The following CHMP2B variants were observed in gnomAD, a reference collection of about 807,000 sequenced individuals.
The protein encoded by CHMP2B is charged multivesicular body protein 2B.
A neutral mutation model predicts 29.8 loss-of-function variants in CHMP2B; 22 were observed. That is an observed-to-expected ratio of 0.74 (90% CI 0.53 to 1.05). The LOEUF (loss-of-function observed/expected upper bound fraction) is 1.05. CHMP2B is among the 50% of genes least tolerant of loss of function. CHMP2B has a pLI of 0.00. For missense variants in CHMP2B, 261 were observed against 252.2 expected (o/e 1.03, Z -0.24); for synonymous variants, 78 against 75.8 (o/e 1.03, Z -0.15).
chr3:87,241,169 T>C (rs1706112084), intron 2 of CHMP2B, among the ~76,000 whole-genome samples: 1 of 152,220 alleles, frequency 6.6e-6, no homozygotes, highest in African/African-American at 2.4e-5. Flanking sequence ...TTGCTTGATA[T>C]TTTAAAGATC....
chr3:87,244,507 C>A (rs1410313870), intron 2 of CHMP2B, among the ~76,000 whole-genome samples: 1 of 151,872 alleles, frequency 6.6e-6, no homozygotes, highest in African/African-American at 2.4e-5. Flanking sequence ...TTAACTGCAA[C>A]TCACAAATTT....
At chr3:87,230,791 T>G (rs1705895214) in intron 1 of CHMP2B, among the ~76,000 whole-genome samples, 1 of 152,176 alleles carries the variant, frequency 6.6e-6, no homozygotes, top group South Asian at 2.1e-4. Context: ...TGGCATGCAA[T>G]GAGATGTTGC....
chr3:87,241,720 T>A (rs1706122581), intron 2 of CHMP2B, among the ~76,000 whole-genome samples: 1 of 152,192 alleles, frequency 6.6e-6, no homozygotes, highest in South Asian at 2.1e-4. Context: ...CAGTGGACAT[T>A]TGAGTTGTTT....
At chr3:87,236,808 CTGT>C (rs1013565983) in intron 1 of CHMP2B, among the ~76,000 whole-genome samples, 1 of 152,012 alleles carries the variant, frequency 6.6e-6, no homozygotes, top group African/African-American at 2.4e-5. Flanking sequence ...CGAGATCATG[CTGT>C]TGTACTCCAG....
intron 1 of CHMP2B, among the ~76,000 whole-genome samples, chr3:87,229,944 T>G (rs1408438951): frequency 6.6e-6 from 1 of 152,202 alleles, no homozygotes; most frequent in African/African-American, 2.4e-5. Context: ...GTCTCTGCGG[T>G]GTATACTTTG....
rs1466162049 is a variant in CHMP2B, at chr3:87,251,503, A to C, written c.424+1526A>C. On this transcript the variant is annotated intron_variant, in intron 4 of 5. Coordinates refer to ENST00000263780, the MANE Select transcript of CHMP2B (RefSeq NM_014043.4). The stretch of plus-strand genomic sequence containing the variant: ...CTGCAGTTGTTCTCATTTGTATTTT[A>C]ATACATTACAAGTTAGTCTGTAATA... Among the ~76,000 whole-genome samples, 3 of 151,996 alleles carry C rather than the reference A, an allele frequency of 2.0e-5. No individual in the cohort carries two copies. In the East Asian group the frequency reaches 5.8e-4, roughly 29 times the overall value.
intron 3 of CHMP2B, among the ~76,000 whole-genome samples, chr3:87,247,941 A>T (rs999098898): frequency 3.9e-5 from 6 of 152,168 alleles, no homozygotes; most frequent in Admixed American, 6.5e-5. Context: ...AAAGAGTAGA[A>T]TGCATCCATT....
chr3:87,230,792 G>A lies in CHMP2B; in HGVS notation c.34+3236G>A, dbSNP rs558928819. Among the ~76,000 whole-genome samples, 10 of 152,264 alleles carry A rather than the reference G, an allele frequency of 6.6e-5. No homozygotes were observed. The South Asian group carries it at 2.1e-3, about 32-fold the overall frequency. On this transcript the variant is annotated intron_variant, in intron 1 of 5. Coordinates refer to ENST00000263780, the MANE Select transcript of CHMP2B (RefSeq NM_014043.4). ...CAGTTTGCCTTGCATGGCATGCAAT[G>A]AGATGTTGCTTAGATCATCAGTAAC...
At chr3:87,234,331 C>G (rs1420316363) in intron 1 of CHMP2B, among the ~76,000 whole-genome samples, 1 of 151,832 alleles carries the variant, frequency 6.6e-6, no homozygotes, top group African/African-American at 2.4e-5. Flanking sequence ...AGCAGATAAA[C>G]CATATTGACT....
At chr3:87,234,503 C>T (rs1316420726) in intron 1 of CHMP2B, among the ~76,000 whole-genome samples, 1 of 152,002 alleles carries the variant, frequency 6.6e-6, no homozygotes, top group Admixed American at 6.6e-5. Context: ...CCTGGGTGGC[C>T]TTTTCTTAAG....
chr3:87,234,864 G>A (rs1184172985), intron 1 of CHMP2B, among the ~76,000 whole-genome samples: 1 of 152,174 alleles, frequency 6.6e-6, no homozygotes, highest in African/African-American at 2.4e-5. Context: ...GAAGTAGAAA[G>A]TTATAAGGAA....
chr3:87,232,946 C>T (rs1027835232), intron 1 of CHMP2B, among the ~76,000 whole-genome samples: 3 of 152,132 alleles, frequency 2.0e-5, no homozygotes, highest in Non-Finnish European at 2.9e-5. Context: ...ACATGAATTC[C>T]TCAGGGCTTG....
At chr3:87,239,645 G>A (rs1040080980) in intron 1 of CHMP2B, among the ~76,000 whole-genome samples, 30 of 152,132 alleles carry the variant, frequency 2.0e-4, no homozygotes, top group African/African-American at 6.8e-4. Context: ...TGCTATCTAT[G>A]TGGCTTTGGG....
At chr3:87,247,757 G>A (rs1706241037) in intron 3 of CHMP2B, among the ~76,000 whole-genome samples, 1 of 152,164 alleles carries the variant, frequency 6.6e-6, no homozygotes, top group African/African-American at 2.4e-5. Flanking sequence ...CGAGTGCTGT[G>A]CAAACATACA....
rs1412880558 is a variant in CHMP2B, at chr3:87,245,773, C to G, written c.186C>G (p.Ala62=). The G allele has an allele frequency of 5.0e-6, 8 of 1,613,578 alleles. No individual in the cohort carries two copies. Among genetic ancestry groups the G allele is most frequent in the African/African-American group, 1.3e-5 (1 of 74,850 alleles). The change falls in exon 3 of 6, where the codon GCC becomes GCG. Residue 62 remains alanine, a synonymous_variant. Coordinates refer to ENST00000263780, the MANE Select transcript of CHMP2B (RefSeq NM_014043.4). The part of the protein sequence containing the change: ...IGNKEACKVL[A]KQLVHLRKQK... ...ATAAGGAAGCTTGCAAAGTTTTAGC[C>G]AAACAACTTGTGCATCTACGGAAAC...
rs191352940 is a variant in CHMP2B, at chr3:87,237,269, C to T, written c.35-3430C>T. Among the ~76,000 whole-genome samples, 447 of 152,220 alleles carry T rather than the reference C, an allele frequency of 2.9e-3. 3 individuals are homozygous for T. The highest frequency in any genetic ancestry group is 0.01 in the African/African-American group (428 of 41,538). On this transcript the variant is annotated intron_variant, in intron 1 of 5. Coordinates refer to ENST00000263780, the MANE Select transcript of CHMP2B (RefSeq NM_014043.4). ...GACAAAGCTCTGACCACTCATGTGA[C>T]TGTATTTGGGGATAGGGCCCTTAAG...
At chr3:87,241,933 A>G (rs1415822667) in intron 2 of CHMP2B, among the ~76,000 whole-genome samples, 1 of 152,174 alleles carries the variant, frequency 6.6e-6, no homozygotes, top group Non-Finnish European at 1.5e-5. Flanking sequence ...CCCATTAGCA[A>G]TGTATGAAAG....
At chr3:87,227,832 A>AGCGAGGTACT (rs375008353) in intron 1 of CHMP2B, among the ~76,000 whole-genome samples, 20 of 152,308 alleles carry the variant, frequency 1.3e-4, no homozygotes, top group African/African-American at 4.8e-4. Flanking sequence ...CGAGGAGGCT[A>AGCGAGGTACT]GCTGGCCCTT....
At chr3:87,231,560 C>A (rs1400169767) in intron 1 of CHMP2B, among the ~76,000 whole-genome samples, 4 of 152,058 alleles carry the variant, frequency 2.6e-5, no homozygotes, top group Admixed American at 2.6e-4. Flanking sequence ...TCAGTGTAAA[C>A]CCCTTTATGA....
Sources: allele counts gnomAD v4.1 joint callset (sites outside exome capture counted in the v4.1 genomes callset), GRCh38; gene constraint gnomAD v4.1.1; transcripts MANE v1.5; gene names NCBI Gene and HGNC (gene_info 2026-07-23, HGNC 2026-07-21).